The following PRKAR1A variants were observed in gnomAD, a reference collection of about 807,000 sequenced individuals.
The protein encoded by PRKAR1A is protein kinase cAMP-dependent type I regulatory subunit alpha.
Under a neutral mutation model 52.0 loss-of-function variants are expected in PRKAR1A, and 3 were observed. That is an observed-to-expected ratio of 0.06 (90% CI 0.03 to 0.15). The LOEUF is 0.15. Among genes scored for constraint, PRKAR1A ranks in the 10% least tolerant of loss-of-function variants. The pLI is 1.00. For synonymous variants in PRKAR1A, 188 were observed against 168.4 expected (o/e 1.12, Z -0.90); for missense variants, 240 against 477.4 (o/e 0.50, Z 4.63).
At chr17:68,426,132 A>C in the PRKAR1A span, 2 of 1,612,142 alleles carry the variant, frequency 1.2e-6, no homozygotes, top group African/African-American at 2.7e-5. Context: ...ACTCATGTTC[A>C]GGAATAACTT....
At position 68,542,266 on chromosome 17, in the gene PRKAR1A, A is replaced by T. The variant is rs1273719088; in HGVS notation, c.974-8818A>T. The T allele has an allele frequency of 3.9e-6, 5 of 1,269,656 alleles. No homozygotes were observed. In the African/African-American group the frequency reaches 5.9e-5, roughly 15 times the overall value. 78.6% of individuals were successfully genotyped at this position (1,269,656 alleles called of 1,614,324 possible). ...CACTGGGAGGGAAGGGAAACCCTGA[A>T]CTCACAGCTCGGGAAGAGAAAGAAG... On this transcript the variant is annotated intron_variant, in intron 11 of 11. Coordinates refer to the PRKAR1A transcript ENST00000585981.
At chr17:68,451,842 G>C in the PRKAR1A span, among the ~76,000 whole-genome samples, 4 of 152,186 alleles carry the variant, frequency 2.6e-5, no homozygotes, top group Admixed American at 2.6e-4. Flanking sequence ...TGACCCTCCT[G>C]AGCACAAAGG....
the PRKAR1A span, among the ~76,000 whole-genome samples, chr17:68,494,467 A>G: frequency 6.6e-6 from 1 of 152,114 alleles, no homozygotes; most frequent in South Asian, 2.1e-4. Flanking sequence ...GCTTGAACCC[A>G]GGAGTTAGAG....
chr17:68,547,171 T>G (rs1049196545), intron 11 of PRKAR1A, among the ~76,000 whole-genome samples: 1 of 152,198 alleles, frequency 6.6e-6, no homozygotes, highest in African/African-American at 2.4e-5. Flanking sequence ...GGCCTGAGGA[T>G]GTTTTGAATG....
intron 11 of PRKAR1A, chr17:68,541,531 G>A (rs950355900): frequency 5.3e-6 from 1 of 190,350 alleles, no homozygotes; most frequent in South Asian, 1.1e-4. Context: ...CTAGTGTGGA[G>A]TACCTGCTAT....
the PRKAR1A span, among the ~76,000 whole-genome samples, chr17:68,502,588 C>T: frequency 2.2e-4 from 33 of 151,876 alleles, no homozygotes; most frequent in African/African-American, 7.7e-4. Context: ...CCCGTCTCTA[C>T]TAAAAATACA....
chr17:68,484,924 C>G, the PRKAR1A span, among the ~76,000 whole-genome samples: 1 of 152,132 alleles, frequency 6.6e-6, no homozygotes, highest in Non-Finnish European at 1.5e-5. Flanking sequence ...GTTAAATGTG[C>G]TATGTTCACT....
chr17:68,451,042 G>A, the PRKAR1A span: 2 of 1,180,126 alleles, frequency 1.7e-6, no homozygotes, highest in Admixed American at 3.1e-5. Context: ...AGCTTGCATT[G>A]ACAGTGATCC....
chr17:68,457,518 C>A, the PRKAR1A span: 1 of 650,858 alleles, frequency 1.5e-6, no homozygotes, highest in South Asian at 4.3e-5. Context: ...CCGGTCCTGC[C>A]CCGCCCCTAC....
chr17:68,537,450 T>C, downstream of PRKAR1A: 1 of 1,613,916 alleles, frequency 6.2e-7, no homozygotes, highest in Non-Finnish European at 8.5e-7. This position sits in a 1 kb window ranked among gnomAD's most constrained non-coding sequence, Gnocchi z 4.2. Context: ...TCCAGGCGTA[T>C]TTTCTGAAAC....
intron 11 of PRKAR1A, among the ~76,000 whole-genome samples, chr17:68,546,913 C>T (rs1304871838): frequency 6.6e-6 from 1 of 151,536 alleles, no homozygotes; most frequent in African/African-American, 2.4e-5. Context: ...GTTGTGTTAG[C>T]AGGCATGAAA....
chr17:68,493,220 A>G, the PRKAR1A span, among the ~76,000 whole-genome samples: 3 of 152,238 alleles, frequency 2.0e-5, no homozygotes, highest in East Asian at 1.9e-4. Context: ...TGATCTGTTC[A>G]GCAAACCACC....
At chr17:68,519,334 A>G (rs928322600) in intron 2 of PRKAR1A, among the ~76,000 whole-genome samples, 5 of 152,200 alleles carry the variant, frequency 3.3e-5, no homozygotes, top group African/African-American at 4.8e-5. Flanking sequence ...TCGGGAAGCT[A>G]CAATCATGGC....
At chr17:68,435,883 A>G in the PRKAR1A span, among the ~76,000 whole-genome samples, 15 of 152,186 alleles carry the variant, frequency 9.9e-5, no homozygotes, top group Non-Finnish European at 1.8e-4. Flanking sequence ...CTGGTGAATC[A>G]AGATTTGGCT....
chr17:68,526,595 G>GATTAA (rs1378971451), intron 7 of PRKAR1A, among the ~76,000 whole-genome samples: 1 of 152,148 alleles, frequency 6.6e-6, no homozygotes, highest in East Asian at 1.9e-4. Flanking sequence ...GATTAGATTA[G>GATTAA]ATAGATAGTC....
At chr17:68,491,017 C>T in the PRKAR1A span, among the ~76,000 whole-genome samples, 3 of 152,046 alleles carry the variant, frequency 2.0e-5, no homozygotes, top group Admixed American at 2.0e-4. Context: ...TGCCTGTGGC[C>T]TTGGACCAGC....
In PRKAR1A at chr17:68,532,163, T is replaced by C; in HGVS notation, c.*1714T>C. On this transcript the variant is annotated 3_prime_UTR_variant, in exon 11 of 11. Transcript: ENST00000589228. Reference sequence around the variant, plus strand: ...CAAAATAATCTATATTAAATGAGGGTTTCTGATCTGTACTTTGTGTTTAGC... The same window carrying C: ...CAAAATAATCTATATTAAATGAGGGCTTCTGATCTGTACTTTGTGTTTAGC... The C allele has an allele frequency of 1.9e-6, 2 of 1,050,404 alleles. No homozygotes were observed. The highest frequency in any genetic ancestry group is 2.3e-6 in the Non-Finnish European group (2 of 865,636). The allele number at this position is 1,050,404 out of a possible 1,614,324, so 65.1% of individuals were successfully genotyped here. A position where few individuals can be genotyped will look rare whatever the true frequency, so the allele number is the denominator to read the frequency against.
the PRKAR1A span, among the ~76,000 whole-genome samples, chr17:68,468,795 A>C: frequency 6.6e-6 from 1 of 152,120 alleles, no homozygotes; most frequent in Non-Finnish European, 1.5e-5. Flanking sequence ...TTTTTCATGA[A>C]AGGTCAGTTC....
chr17:68,506,413 TC>T, the PRKAR1A span, among the ~76,000 whole-genome samples: 2 of 136,710 alleles, frequency 1.5e-5, no homozygotes, highest in Admixed American at 7.6e-5. Flanking sequence ...ACCCCCCCAA[TC>T]CCACCCCCAT....
Sources: gnomAD v4.1 joint callset for allele counts (sites outside exome capture counted in the v4.1 genomes callset) on GRCh38, gnomAD v4.1.1 for gene constraint, Gnocchi (gnomAD v3.1) non-coding constraint, MANE v1.5 for transcripts, NCBI Gene and HGNC (gene_info 2026-07-23, HGNC 2026-07-21) for gene names.